TBCD: variants seen among roughly 807,000 people sequenced by gnomAD.
TBCD encodes tubulin folding cofactor D.
In TBCD, 105 loss-of-function variants were observed where a neutral mutation model predicts 169.3. That is an observed-to-expected ratio of 0.62 (90% CI 0.53 to 0.73). The LOEUF (loss-of-function observed/expected upper bound fraction) is 0.73, where lower values mean the gene tolerates loss of function less well. Among genes scored for constraint, TBCD ranks in the 30% least tolerant of loss-of-function variants. TBCD has a pLI of 0.00. For synonymous variants in TBCD, 700 were observed against 643.9 expected (o/e 1.09, Z -1.32); for missense variants, 1,444 against 1,600.1 (o/e 0.90, Z 1.66).
At chr17:82,856,291 A>G (rs1403946552) in intron 13 of TBCD, among the ~76,000 whole-genome samples, 1 of 151,998 alleles carries the variant, frequency 6.6e-6, no homozygotes, top group Non-Finnish European at 1.5e-5. Flanking sequence ...AGAAAAGAAT[A>G]TGCTGAGAAA....
Position 82,880,941 on chromosome 17 carries a change from G to A in TBCD, c.1476-3204G>A, listed in dbSNP as rs574785181. On this transcript the variant is annotated intron_variant, in intron 14 of 38. Coordinates refer to ENST00000355528, the MANE Select transcript of TBCD (RefSeq NM_005993.5). This position sits in a 1 kb window ranked among gnomAD's most constrained non-coding sequence, Gnocchi z 5.0. ...CAGGCGGAACTCGGGGAAGGAGGCCGTGTACTCCCATAGCTCTGGGCTCTG... is the reference window on the plus strand; with the variant it reads ...CAGGCGGAACTCGGGGAAGGAGGCCATGTACTCCCATAGCTCTGGGCTCTG... Among the ~76,000 whole-genome samples the A allele has an allele frequency of 3.9e-5, 6 of 152,178 alleles. No homozygotes were observed. Among genetic ancestry groups the A allele is most frequent in the Middle Eastern group, 3.2e-3 (1 of 316 alleles).
chr17:82,766,310 T>C lies in TBCD; in HGVS notation c.377T>C (p.Val126Ala). ...TTTCTTCGTTTATTTCCTCATGAAG[T>C]TGCCGATGTAGAGCCTGTTTTAGAT... ...KTFLRLFPHE[V>A]ADVEPVLDLV... The change falls in exon 4 of 39, where the codon GTT becomes GCT. Residue 126 changes from valine to alanine, a missense_variant. Transcript: ENST00000355528. 1 of 1,613,532 alleles carries C rather than the reference T, an allele frequency of 6.2e-7. No individual in the cohort carries two copies. Among genetic ancestry groups the C allele is most frequent in the Non-Finnish European group, 8.5e-7 (1 of 1,179,702 alleles).
intron 14 of TBCD, among the ~76,000 whole-genome samples, chr17:82,872,553 G>T (rs1230988151): frequency 6.6e-6 from 1 of 152,260 alleles, no homozygotes; most frequent in Non-Finnish European, 1.5e-5. Context: ...TCTTGTGTGT[G>T]ATCAGCCTCA....
rs2050949888 is a variant in TBCD, at chr17:82,806,206, T to A, written c.1087+195T>A. On this transcript the variant is annotated intron_variant, in intron 10 of 38. Transcript: ENST00000355528. The surrounding 1 kb of genome is among the most constrained non-coding windows in gnomAD (Gnocchi z 5.1). ...CTGTCCCTGACCATGGACAGTCTCT[T>A]CCTGTGTGCCGTAGAAGCCCTTTTT... 6.6e-6 allele frequency among the ~76,000 whole-genome samples: 1 copy of A among 152,056 alleles called. No homozygotes were observed. The highest frequency in any genetic ancestry group is 1.5e-5 in the Non-Finnish European group (1 of 67,996).
At position 82,841,735 on chromosome 17, in the gene TBCD, G is replaced by C. The variant is rs1008260738; in HGVS notation, c.1318+26801G>C. On this transcript the variant is annotated intron_variant, in intron 13 of 38. Coordinates refer to ENST00000355528, the MANE Select transcript of TBCD (RefSeq NM_005993.5). ...TTAGGATATATTGTGTCAGGAGTTTGTGGAGGGCCTGGCCGAGTGCTGCTT... is the reference window on the plus strand; with the variant it reads ...TTAGGATATATTGTGTCAGGAGTTTCTGGAGGGCCTGGCCGAGTGCTGCTT... 2.0e-5 allele frequency among the ~76,000 whole-genome samples: 3 copies of C among 152,226 alleles called. No individual in the cohort carries two copies. The East Asian group carries it at 5.8e-4, about 29-fold the overall frequency.
chr17:82,863,665 A>G (rs2056954278), intron 13 of TBCD, among the ~76,000 whole-genome samples: 1 of 152,138 alleles, frequency 6.6e-6, no homozygotes, highest in South Asian at 2.1e-4. Context: ...CCCTGAGCTC[A>G]GCATTGACCC....
intron 13 of TBCD, among the ~76,000 whole-genome samples, chr17:82,846,365 T>TGCGTCCTCTGTGCC (rs2145563663): frequency 6.6e-6 from 1 of 151,512 alleles, no homozygotes; most frequent in African/African-American, 2.4e-5. Context: ...CTCCATGCGC[T>TGCGTCCTCTGTGCC]GTGTCCCATG....
intron 13 of TBCD, among the ~76,000 whole-genome samples, chr17:82,819,865 G>T (rs1034138559): frequency 1.7e-4 from 26 of 152,252 alleles, no homozygotes; most frequent in African/African-American, 5.8e-4. Flanking sequence ...GCAGGAGGAG[G>T]TGGGCACTCC....
chr17:82,754,834 A>C (rs1474933875), intron 1 of TBCD, among the ~76,000 whole-genome samples: 3 of 152,182 alleles, frequency 2.0e-5, no homozygotes, highest in African/African-American at 4.8e-5. Context: ...TGAGAGGAGG[A>C]GAAAGCGGTG....
rs754912961 is a variant in TBCD, at chr17:82,814,882, G to T, written c.1266G>T (p.Ala422=). ...TDKAWHGGCL[A]LAELGRRGLL... ...AGGCGTGGCATGGGGGATGTCTGGC[G>T]CTGGCAGAGCTGGGCAGGAGAGGCC... is the stretch of plus-strand genomic sequence containing the variant. The change falls in exon 13 of 39, where the codon GCG becomes GCT. Residue 422 remains alanine (A), a synonymous_variant. Coordinates refer to ENST00000355528, the MANE Select transcript of TBCD (RefSeq NM_005993.5). 2 of 1,613,414 alleles carry T rather than the reference G, an allele frequency of 1.2e-6. No homozygotes were observed. Among genetic ancestry groups the T allele is most frequent in the Non-Finnish European group, 8.5e-7 (1 of 1,179,746 alleles).
At chr17:82,853,928 A>G (rs868753479) in intron 13 of TBCD, among the ~76,000 whole-genome samples, 9 of 151,768 alleles carry the variant, frequency 5.9e-5, no homozygotes, top group African/African-American at 1.2e-4. Flanking sequence ...TGTGGTTCCT[A>G]TTGGGCCCCC....
Position 82,923,644 on chromosome 17 carries a change from T to C in TBCD, c.2179-8T>C, listed in dbSNP as rs1263694338. ...TGCTGTGCGCTCACCGTGCTGCCTTTGTTTTAGGATGCAGCAGTCTCGGCC... is the reference window on the plus strand; with the variant it reads ...TGCTGTGCGCTCACCGTGCTGCCTTCGTTTTAGGATGCAGCAGTCTCGGCC... On this transcript the variant is annotated splice_polypyrimidine_tract_variant and splice_region_variant and intron_variant, in intron 25 of 38. Coordinates refer to ENST00000355528, the MANE Select transcript of TBCD (RefSeq NM_005993.5). The surrounding 1 kb of genome is among the most constrained non-coding windows in gnomAD (Gnocchi z 4.6). 1 of 1,566,360 alleles carries C rather than the reference T, an allele frequency of 6.4e-7. No homozygotes were observed. Among genetic ancestry groups the C allele is most frequent in the Admixed American group, 1.9e-5 (1 of 53,136 alleles).
chr17:82,889,096 G>A lies in TBCD; in HGVS notation c.1534-572G>A, dbSNP rs371974132. 2.6e-5 allele frequency among the ~76,000 whole-genome samples: 4 copies of A among 152,184 alleles called. No individual in the cohort carries two copies. The highest frequency in any genetic ancestry group is 4.1e-4 in the South Asian group (2 of 4,832). ...TGCTCTGCCTGGTCGGTGCGCCTAA[G>A]GGGGGCAGGGTGTTTGGGGAGGACA... On this transcript the variant is annotated intron_variant, in intron 15 of 38. Coordinates refer to ENST00000355528, the MANE Select transcript of TBCD (RefSeq NM_005993.5). The surrounding 1 kb of genome is among the most constrained non-coding windows in gnomAD (Gnocchi z 5.3).
At chr17:82,834,427 A>G (rs1159691831) in intron 13 of TBCD, among the ~76,000 whole-genome samples, 1 of 152,232 alleles carries the variant, frequency 6.6e-6, no homozygotes, top group Admixed American at 6.5e-5. Flanking sequence ...TTTAGGGTCT[A>G]AATATTTTCA....
chr17:82,921,636 G>A (rs1599572942), intron 25 of TBCD, 59 bp downstream of exon 25: 4 of 1,534,130 alleles, frequency 2.6e-6, no homozygotes, highest in African/African-American at 1.4e-5. Context: ...TGTTAGTCAC[G>A]GATGGTGTTT....
intron 26 of TBCD, among the ~76,000 whole-genome samples, chr17:82,924,622 C>G (rs888087274): frequency 6.6e-6 from 1 of 152,154 alleles, no homozygotes; most frequent in African/African-American, 2.4e-5. Flanking sequence ...AAAAATCATG[C>G]ATTAGCTTGG....
At chr17:82,794,597 T>G (rs923269517) in intron 7 of TBCD, among the ~76,000 whole-genome samples, 6 of 152,240 alleles carry the variant, frequency 3.9e-5, no homozygotes, top group Non-Finnish European at 7.3e-5. Context: ...GTGCGCTCTC[T>G]CTGGCCGCGT....
chr17:82,881,659 G>T (rs757760099), intron 14 of TBCD, among the ~76,000 whole-genome samples: 7 of 152,210 alleles, frequency 4.6e-5, no homozygotes, highest in Non-Finnish European at 1.0e-4. Flanking sequence ...CGTTGATGTC[G>T]TTGTGGAGCC....
At chr17:82,770,006 C>T (rs1031823672) in intron 5 of TBCD, among the ~76,000 whole-genome samples, 1 of 152,122 alleles carries the variant, frequency 6.6e-6, no homozygotes, top group Non-Finnish European at 1.5e-5. Context: ...CTCGTTTAAC[C>T]GAGAAGGCAA....
Sources: gnomAD v4.1 joint callset for allele counts (sites outside exome capture counted in the v4.1 genomes callset) on GRCh38, gnomAD v4.1.1 for gene constraint, Gnocchi (gnomAD v3.1) non-coding constraint, MANE v1.5 for transcripts, NCBI Gene and HGNC (gene_info 2026-07-23, HGNC 2026-07-21) for gene names.